B3GAT1: variants seen among roughly 807,000 people sequenced by gnomAD.
B3GAT1 encodes galactosylgalactosylxylosylprotein 3-beta-glucuronosyltransferase 1.
In B3GAT1, 11 loss-of-function variants were observed where a neutral mutation model predicts 28.4. The ratio of observed to expected loss-of-function variants is 0.39; its 90% CI spans 0.24 to 0.64. The LOEUF is 0.64. Among genes scored for constraint, B3GAT1 ranks in the 30% least tolerant of loss-of-function variants. The probability of loss-of-function intolerance (pLI) is 0.50; values close to 1 mark genes in which losing one functional copy is unlikely to be tolerated. For missense variants in B3GAT1, 375 were observed against 491.0 expected, an observed-to-expected ratio of 0.76 and a Z score of 2.23; for synonymous variants, 255 against 223.1, an observed-to-expected ratio of 1.14 and a Z score of -1.27.
rs1246585654 is a variant in B3GAT1 at position 134,379,897 on chromosome 11, G to A, written c.*865C>T. The A allele has an allele frequency of 6.5e-6, 1 of 153,046 alleles. No individual in the cohort carries two copies. Among genetic ancestry groups the A allele is most frequent in the Non-Finnish European group, 1.5e-5 (1 of 68,392 alleles). 9.5% of individuals were successfully genotyped at this position (153,046 alleles called of 1,614,324 possible). A position where few individuals can be genotyped will look rare whatever the true frequency, so the allele number is the denominator to read the frequency against. On this transcript the variant is annotated 3_prime_UTR_variant, in exon 6 of 6. Transcript: ENST00000312527. ...GCTTTCCCTCCCCAGTCCAGTCCAGGCGAGGGGCCTAGCAGCCGAGGTGGG... is the reference window on the plus strand; with the variant it reads ...GCTTTCCCTCCCCAGTCCAGTCCAGACGAGGGGCCTAGCAGCCGAGGTGGG...
At chr11:134,396,647 G>T (rs1349948717) in intron 1 of B3GAT1, among the ~76,000 whole-genome samples, 1 of 151,954 alleles carries the variant, frequency 6.6e-6, no homozygotes, top group Admixed American at 6.6e-5. Flanking sequence ...CAGGCAAACC[G>T]TCTGCCACAT....
chr11:134,378,517 A>G lies in B3GAT1; in HGVS notation c.*2245T>C, dbSNP rs1162318874. On this transcript the variant is annotated 3_prime_UTR_variant, in exon 6 of 6. Transcript: ENST00000312527. ...GGCTGAAGAGGATTAGGACTGTTAA[A>G]AACTGTATTTGACTTTTAATTTTGA... The G allele has an allele frequency of 6.6e-6, 1 of 152,216 alleles. No individual in the cohort carries two copies. The highest frequency in any genetic ancestry group is 2.4e-5 in the African/African-American group (1 of 41,452). 9.4% of individuals were successfully genotyped at this position (152,216 alleles called of 1,614,324 possible). A position where few individuals can be genotyped will look rare whatever the true frequency, so the allele number is the denominator to read the frequency against.
In B3GAT1 at chr11:134,382,903, T is replaced by A; in HGVS notation, c.725A>T (p.Lys242Met). ...TGGCCGGTGGGGGTCAAACACCGTC[T>A]TCCAGCCGACCACCTTCCCTGCCCC... ...VNGAGKVVGW[K>M]TVFDPHRPFA... is the part of the protein sequence containing the mutation. Residue 242 changes from lysine (K) to methionine (M), a missense_variant, in exon 4 of 6, where the codon AAG becomes ATG. Physicochemically the swap from Lys to Met is moderately conservative, Grantham distance 95. Coordinates refer to ENST00000312527, the MANE Select transcript of B3GAT1 (RefSeq NM_054025.3). 6.2e-7 allele frequency: 1 copy of A among 1,613,616 alleles called. No individual in the cohort carries two copies. The highest frequency in any genetic ancestry group is 8.5e-7 in the Non-Finnish European group (1 of 1,179,826).
intron 5 of B3GAT1, among the ~76,000 whole-genome samples, chr11:134,381,356 T>A (rs1591631065): frequency 6.6e-6 from 1 of 152,298 alleles, no homozygotes; most frequent in African/African-American, 2.4e-5. Context: ...CTGTTCTAGG[T>A]GCTCTCAGCA....
In B3GAT1 at chr11:134,380,674, G is replaced by T. The variant is rs763225735; in HGVS notation, c.*88C>A. The T allele has an allele frequency of 6.5e-6, 1 of 152,698 alleles. No homozygotes were observed. The highest frequency in any genetic ancestry group is 1.5e-5 in the Non-Finnish European group (1 of 68,126). 9.5% of individuals were successfully genotyped at this position (152,698 alleles called of 1,614,324 possible). A position where few individuals can be genotyped will look rare whatever the true frequency, so the allele number is the denominator to read the frequency against. On this transcript the variant is annotated 3_prime_UTR_variant, in exon 6 of 6. Transcript: ENST00000312527. The stretch of plus-strand genomic sequence containing the variant: ...AAGGAGGGTGATGGTGATTCCTTAG[G>T]AGTCGGCCTTGGAGGGACCATCAGC...
chr11:134,398,246 C>G (rs929590629), intron 1 of B3GAT1, among the ~76,000 whole-genome samples: 4 of 152,212 alleles, frequency 2.6e-5, no homozygotes, highest in East Asian at 1.9e-4. Context: ...TCTGCACGCT[C>G]TTAGCTGGGT....
At chr11:134,386,039 T>C (rs996736346) in intron 2 of B3GAT1, 1 of 152,204 alleles carries the variant, frequency 6.6e-6, no homozygotes, top group Non-Finnish European at 1.5e-5. Flanking sequence ...ATTTGCAAGA[T>C]AACAATGATT....
At chr11:134,410,069 A>G (rs1440867037) in intron 1 of B3GAT1, among the ~76,000 whole-genome samples, 1 of 152,148 alleles carries the variant, frequency 6.6e-6, no homozygotes, top group African/African-American at 2.4e-5. Flanking sequence ...AACCACTAAG[A>G]GAACCTTCAG....
At chr11:134,396,233 T>A (rs1031201799) in intron 1 of B3GAT1, among the ~76,000 whole-genome samples, 2 of 152,122 alleles carry the variant, frequency 1.3e-5, no homozygotes, top group Non-Finnish European at 2.9e-5. Flanking sequence ...CACGAAGGCA[T>A]GAGCACCGGG....
chr11:134,390,253 C>G (rs1205813148), intron 1 of B3GAT1: 1 of 152,302 alleles, frequency 6.6e-6, no homozygotes, highest in African/African-American at 2.4e-5. Flanking sequence ...TTTAGCCTGT[C>G]CCTCCACACC....
intron 5 of B3GAT1, among the ~76,000 whole-genome samples, chr11:134,381,374 T>G (rs1944119153): frequency 6.6e-6 from 1 of 152,198 alleles, no homozygotes; most frequent in African/African-American, 2.4e-5. Context: ...GCAACCTACT[T>G]CACAGATGAA....
At position 134,387,558 on chromosome 11, in the gene B3GAT1, C is replaced by T. The variant is rs769687317; in HGVS notation, c.102G>A (p.Ala34=). ...WHQSTLAPLL[A]VHKDEGSDPR... is the part of the protein sequence containing the mutation. ...TGCGTGCGTGCTCACCCTTATGTAC[C>T]GCGAGCAGGGGTGCGAGGGTGCTCT... is the stretch of plus-strand genomic sequence containing the variant. Residue 34 remains alanine, a synonymous_variant, in exon 2 of 6, where the codon GCG becomes GCA. Transcript: ENST00000312527. The T allele has an allele frequency of 1.9e-5, 31 of 1,613,830 alleles. No individual in the cohort carries two copies. In the East Asian group the frequency reaches 4.2e-4, roughly 22 times the overall value.
At chr11:134,394,698 G>A (rs2136323077) in intron 1 of B3GAT1, among the ~76,000 whole-genome samples, 1 of 152,322 alleles carries the variant, frequency 6.6e-6, no homozygotes, top group East Asian at 1.9e-4. Context: ...CTCACGCTTG[G>A]GACTGCTGAT....
chr11:134,384,803 T>G (rs1196805528), intron 2 of B3GAT1: 5 of 152,312 alleles, frequency 3.3e-5, no homozygotes, highest in Non-Finnish European at 7.3e-5. Flanking sequence ...CACCGCATTT[T>G]ATTCTCGTGG....
intron 2 of B3GAT1, 41 bp from the exon 3 acceptor site, chr11:134,384,229 G>A (rs557131019): frequency 4.6e-5 from 70 of 1,510,724 alleles, no homozygotes; most frequent in Non-Finnish European, 5.4e-5. Flanking sequence ...GGAGAGCGCC[G>A]GCTACGGCCC....
At position 134,393,798 on chromosome 11, in the gene B3GAT1, G is replaced by C. The variant is rs963869877; in HGVS notation, c.-281-5858C>G. Among the ~76,000 whole-genome samples, 1 of 152,118 alleles carries C rather than the reference G, an allele frequency of 6.6e-6. No individual in the cohort carries two copies. Among genetic ancestry groups the C allele is most frequent in the Non-Finnish European group, 1.5e-5 (1 of 68,022 alleles). ...CGCCGGTCAGTGTGCTGTGCGGACC[G>C]GGTGCAGGACACCAACCTGCTGGTT... On this transcript the variant is annotated intron_variant, in intron 1 of 5. Transcript: ENST00000312527. The surrounding 1 kb of genome is among the most constrained non-coding windows in gnomAD (Gnocchi z 4.0).
At chr11:134,398,291 C>T (rs1005291697) in intron 1 of B3GAT1, among the ~76,000 whole-genome samples, 1 of 152,180 alleles carries the variant, frequency 6.6e-6, no homozygotes, top group African/African-American at 2.4e-5. Flanking sequence ...GACAAATCCA[C>T]AATTGGGTCC....
intron 3 of B3GAT1, among the ~76,000 whole-genome samples, 167 bp downstream of exon 3, chr11:134,383,513 G>T (rs545929700): frequency 2.0e-5 from 3 of 152,346 alleles, no homozygotes; most frequent in South Asian, 4.1e-4. Flanking sequence ...GGATGCTTTA[G>T]CCCGCAGTTC....
In B3GAT1 at chr11:134,412,119, GGGGGAGC is replaced by G. The variant is rs1469445995; in HGVS notation, c.-601_-595del. 3.6e-5 allele frequency among the ~76,000 whole-genome samples: 5 copies of G among 140,798 alleles called. No individual in the cohort carries two copies. The highest frequency in any genetic ancestry group is 3.5e-4 in the Admixed American group (5 of 14,410). The allele number at this position is 140,798 out of a possible 152,430, so 92.4% of individuals were successfully genotyped here. ...GGGGGGCGGGGAGGGGGAGCGGGGA[GGGGGAGC>G]GGGGAGCGGGCGCGGGGGCGAGAGG... is the stretch of plus-strand genomic sequence containing the variant. On this transcript the variant is annotated 5_prime_UTR_variant, in exon 1 of 6. Coordinates refer to ENST00000312527, the MANE Select transcript of B3GAT1 (RefSeq NM_054025.3).
Sources: gnomAD v4.1 joint callset for allele counts (sites outside exome capture counted in the v4.1 genomes callset) on GRCh38, gnomAD v4.1.1 for gene constraint, Gnocchi (gnomAD v3.1) non-coding constraint, MANE v1.5 for transcripts, NCBI Gene and HGNC (gene_info 2026-07-23, HGNC 2026-07-21) for gene names.